The following TIMP2 variants were observed in gnomAD, a reference collection of about 807,000 sequenced individuals.
TIMP2 encodes TIMP metallopeptidase inhibitor 2, also known as metalloproteinase inhibitor 2.
In TIMP2, 5 loss-of-function variants were observed where a neutral mutation model predicts 24.3. The ratio of observed to expected loss-of-function variants is 0.21; its 90% CI spans 0.11 to 0.43. The LOEUF is 0.43. Ranked by LOEUF, TIMP2 falls within the 20% of genes least tolerant of loss-of-function variation. The probability of loss-of-function intolerance (pLI) is 1.00; values close to 1 mark genes in which losing one functional copy is unlikely to be tolerated. For missense variants in TIMP2, 221 were observed against 297.5 expected (o/e 0.74, Z 1.89); for synonymous variants, 130 against 123.2 (o/e 1.06, Z -0.37).
At chr17:78,857,709 C>T in intron 3 of TIMP2, 63 bp from the exon 4 acceptor site, 1 of 1,606,570 alleles carries the variant, frequency 6.2e-7, no homozygotes, top group Non-Finnish European at 8.5e-7. Flanking sequence ...TGCCCAGCTC[C>T]TCCACCCGGC....
Position 78,920,244 on chromosome 17 carries a change from G to A in TIMP2, c.130+4715C>T, listed in dbSNP as rs2070299095. 6.6e-6 allele frequency among the ~76,000 whole-genome samples: 1 copy of A among 152,202 alleles called. No individual in the cohort carries two copies. The highest frequency in any genetic ancestry group is 1.9e-4 in the East Asian group (1 of 5,194). On this transcript the variant is annotated intron_variant, in intron 1 of 4. Transcript: ENST00000262768. The surrounding 1 kb of genome is among the most constrained non-coding windows in gnomAD (Gnocchi z 4.5). The stretch of plus-strand genomic sequence containing the variant: ...AGTCTGAACCTCTCAGCCCACACCA[G>A]TGGCATCTACCTAGCAACCTGGCTG...
rs780831954 is a variant in TIMP2, at chr17:78,860,274, C to T, written c.341-2628G>A. ...CACAGGTGTCAGTGATGAGCACCCA[C>T]GCCTGGCAGAGACTGATGGGCAATT... is the stretch of plus-strand genomic sequence containing the variant. On this transcript the variant is annotated intron_variant, in intron 3 of 4. Coordinates refer to ENST00000262768, the MANE Select transcript of TIMP2 (RefSeq NM_003255.5). Among the ~76,000 whole-genome samples, 17 of 152,324 alleles carry T rather than the reference C, an allele frequency of 1.1e-4. No individual in the cohort carries two copies. The South Asian group carries it at 2.5e-3, about 22-fold the overall frequency.
intron 1 of TIMP2, among the ~76,000 whole-genome samples, chr17:78,921,304 C>A (rs1438042938): frequency 6.6e-6 from 1 of 152,212 alleles, no homozygotes. Context: ...CTAGCTGGAG[C>A]TGGAGCTCCT....
At chr17:78,869,196 G>C (rs2069646776) in intron 3 of TIMP2, among the ~76,000 whole-genome samples, 1 of 152,172 alleles carries the variant, frequency 6.6e-6, no homozygotes, top group South Asian at 2.1e-4. Flanking sequence ...TGAGGCAGGA[G>C]GATTGCTTGA....
chr17:78,893,157 AG>A lies in TIMP2; in HGVS notation c.131-19239del, dbSNP rs202221614. ...GGTGTGTGTGCGTACATGTGTGTGC[AG>A]GGGTGTGTGTGCATACATGTGTGTG... On this transcript the variant is annotated intron_variant, in intron 1 of 4. Transcript: ENST00000262768. Among the ~76,000 whole-genome samples, 608 of 123,380 alleles carry A rather than the reference AG, an allele frequency of 4.9e-3. 5 individuals carry two copies. The highest frequency in any genetic ancestry group is 0.018 in the African/African-American group (568 of 31,110). 80.9% of individuals were successfully genotyped at this position (123,380 alleles called of 152,430 possible). A position where few individuals can be genotyped will look rare whatever the true frequency, so the allele number is the denominator to read the frequency against.
At chr17:78,860,341 TTTTG>T in intron 3 of TIMP2, among the ~76,000 whole-genome samples, 1 of 152,350 alleles carries the variant, frequency 6.6e-6, no homozygotes, top group South Asian at 2.1e-4. Flanking sequence ...CCCTAAGCAC[TTTTG>T]TTTGACAAAG....
At chr17:78,914,905 T>TC (rs1265282454) in intron 1 of TIMP2, among the ~76,000 whole-genome samples, 1 of 147,852 alleles carries the variant, frequency 6.8e-6, no homozygotes, top group African/African-American at 2.5e-5. Flanking sequence ...CTTTTTCTTT[T>TC]TTTTTTTTTG....
chr17:78,877,023 C>T (rs1002409504), intron 1 of TIMP2, among the ~76,000 whole-genome samples: 2 of 152,198 alleles, frequency 1.3e-5, no homozygotes, highest in African/African-American at 2.4e-5. Flanking sequence ...CTGCTCAGGG[C>T]CCTGGGAGGT....
At chr17:78,911,417 T>C (rs1050957372) in intron 1 of TIMP2, among the ~76,000 whole-genome samples, 1 of 150,566 alleles carries the variant, frequency 6.6e-6, no homozygotes, top group African/African-American at 2.4e-5. Context: ...TCCAGTGCTT[T>C]TGTTGTTTTT....
At chr17:78,883,899 G>A (rs2069801703) in intron 1 of TIMP2, among the ~76,000 whole-genome samples, 1 of 152,232 alleles carries the variant, frequency 6.6e-6, no homozygotes, top group African/African-American at 2.4e-5. Flanking sequence ...CCCTTTCCCT[G>A]GTGGGCCAGC....
At chr17:78,919,785 A>C (rs1046371779) in intron 1 of TIMP2, among the ~76,000 whole-genome samples, 3 of 152,066 alleles carry the variant, frequency 2.0e-5, no homozygotes, top group Non-Finnish European at 4.4e-5. Context: ...CAGTGAGCCA[A>C]GATAGCGCCA....
At chr17:78,908,486 G>A (rs1019375477) in intron 1 of TIMP2, among the ~76,000 whole-genome samples, 6 of 152,280 alleles carry the variant, frequency 3.9e-5, no homozygotes, top group Middle Eastern at 3.4e-3. Context: ...TTGGCCAAAA[G>A]GAGCAAAGTG....
At chr17:78,889,528 T>G (rs2069859801) in intron 1 of TIMP2, among the ~76,000 whole-genome samples, 1 of 152,274 alleles carries the variant, frequency 6.6e-6, no homozygotes. Context: ...TCTCCGTTAA[T>G]GTCTCAGCCT....
chr17:78,858,532 A>G (rs1351774993), intron 3 of TIMP2, among the ~76,000 whole-genome samples: 2 of 151,790 alleles, frequency 1.3e-5, no homozygotes, highest in Non-Finnish European at 2.9e-5. Context: ...ATATTCCACT[A>G]TTGATTTTGA....
chr17:78,870,541 T>C (rs2069671395), intron 3 of TIMP2, among the ~76,000 whole-genome samples: 1 of 152,174 alleles, frequency 6.6e-6, no homozygotes, highest in African/African-American at 2.4e-5. Context: ...CAAGCAGGTC[T>C]CGTGCATAGT....
At chr17:78,869,060 G>A (rs902395659) in intron 3 of TIMP2, among the ~76,000 whole-genome samples, 1 of 152,176 alleles carries the variant, frequency 6.6e-6, no homozygotes, top group African/African-American at 2.4e-5. Context: ...GGCCTCCTGT[G>A]GTTCAGCCTA....
chr17:78,881,187 G>A (rs1019698878), intron 1 of TIMP2, among the ~76,000 whole-genome samples: 4 of 152,250 alleles, frequency 2.6e-5, no homozygotes, highest in African/African-American at 9.6e-5. Flanking sequence ...GAGGGCACTG[G>A]CCCCTCCCAG....
In TIMP2 at chr17:78,925,023, G is replaced by T; in HGVS notation, c.66C>A (p.Arg22=). 7.9e-7 allele frequency: 1 copy of T among 1,265,212 alleles called. No individual in the cohort carries two copies. Among genetic ancestry groups the T allele is most frequent in the Non-Finnish European group, 1.0e-6 (1 of 995,746 alleles). 78.4% of individuals were successfully genotyped at this position (1,265,212 alleles called of 1,614,324 possible). A position where few individuals can be genotyped will look rare whatever the true frequency, so the allele number is the denominator to read the frequency against. ...LGLLLLATLL[R]PADACSCSPV... ...GGGAGCAGCTGCAGGCGTCGGCCGG[G>T]CGAAGCAGCGTCGCCAGCAGCAGGA... is the stretch of plus-strand genomic sequence containing the variant. Residue 22 remains arginine (R), a synonymous_variant, in exon 1 of 5, where the codon CGC becomes CGA. Coordinates refer to ENST00000262768, the MANE Select transcript of TIMP2 (RefSeq NM_003255.5).
At chr17:78,918,653 C>T (rs2070284139) in intron 1 of TIMP2, among the ~76,000 whole-genome samples, 2 of 152,138 alleles carry the variant, frequency 1.3e-5, no homozygotes, top group African/African-American at 4.8e-5. Context: ...GACCCACGGG[C>T]AACAAAAACA....
Sources: allele counts gnomAD v4.1 joint callset (sites outside exome capture counted in the v4.1 genomes callset), GRCh38; gene constraint gnomAD v4.1.1; non-coding constraint Gnocchi (gnomAD v3.1); transcripts MANE v1.5; gene names NCBI Gene and HGNC (gene_info 2026-07-23, HGNC 2026-07-21).